ANKRD12: variants seen among roughly 807,000 people sequenced by gnomAD.
ANKRD12 encodes ankyrin repeat domain 12.
In ANKRD12, 85 loss-of-function variants were observed where a neutral mutation model predicts 183.4. That is an observed-to-expected ratio of 0.46 (90% CI 0.39 to 0.56). The LOEUF is 0.56. Ranked by LOEUF, ANKRD12 falls within the 20% of genes least tolerant of loss-of-function variation. The probability of loss-of-function intolerance (pLI) is 0.00; values close to 1 mark genes in which losing one functional copy is unlikely to be tolerated. For synonymous variants in ANKRD12, 914 were observed against 800.2 expected (o/e 1.14, Z -2.40); for missense variants, 2,405 against 2,357.1 (o/e 1.02, Z -0.42).
intron 10 of ANKRD12, among the ~76,000 whole-genome samples, chr18:9,265,045 GATCAAACC>G (rs1484405742): frequency 6.6e-6 from 1 of 152,232 alleles, no homozygotes; most frequent in Non-Finnish European, 1.5e-5. Flanking sequence ...AGCAGTCTGA[GATCAAACC>G]GCAAGGCGGG....
intron 1 of ANKRD12, among the ~76,000 whole-genome samples, chr18:9,139,136 A>G (rs148828825): frequency 3.5e-4 from 53 of 152,348 alleles, no homozygotes; most frequent in African/African-American, 1.2e-3. Flanking sequence ...TCCATGAAGA[A>G]TATTTGAGGA....
intron 8 of ANKRD12, among the ~76,000 whole-genome samples, chr18:9,233,103 C>T (rs1013576629): frequency 2.0e-5 from 3 of 152,038 alleles, no homozygotes; most frequent in African/African-American, 4.8e-5. Context: ...CCACCCACCT[C>T]GGCCTCCCAA....
rs928839922 is a variant in ANKRD12, at chr18:9,239,465, T to C, written c.944-14746T>C. ...GTTTCATGTGTTCATCAGCTATGTA[T>C]TGATTTTTCAGAATATTTATTTTCC... On this transcript the variant is annotated intron_variant, in intron 8 of 12. Coordinates refer to ENST00000262126, the MANE Select transcript of ANKRD12 (RefSeq NM_015208.5). 4.0e-6 allele frequency: 5 copies of C among 1,247,330 alleles called. No homozygotes were observed. In the African/African-American group the frequency reaches 7.7e-5, roughly 19 times the overall value. The allele number at this position is 1,247,330 out of a possible 1,614,324, so 77.3% of individuals were successfully genotyped here.
rs1278159064 is a variant in ANKRD12 at position 9,167,625 on chromosome 18, G to T, written c.-51-14757G>T. ...GCTTGAGGAGATTTTGGGCTGAGAC[G>T]ATGGGGTTTTCTAGATACACAATCA... On this transcript the variant is annotated intron_variant, in intron 1 of 12. Coordinates refer to ENST00000262126, the MANE Select transcript of ANKRD12 (RefSeq NM_015208.5). Among the ~76,000 whole-genome samples, 2 of 152,204 alleles carry T rather than the reference G, an allele frequency of 1.3e-5. 1 individual carries two copies.
At chr18:9,209,091 A>T (rs1360816805) in intron 5 of ANKRD12, among the ~76,000 whole-genome samples, 1 of 152,180 alleles carries the variant, frequency 6.6e-6, no homozygotes, top group Non-Finnish European at 1.5e-5. Flanking sequence ...GCAGTATATT[A>T]ACAGTCATTT....
intron 8 of ANKRD12, among the ~76,000 whole-genome samples, chr18:9,247,309 C>G (rs1309342571): frequency 6.8e-6 from 1 of 146,296 alleles, no homozygotes; most frequent in Non-Finnish European, 1.5e-5. Flanking sequence ...AACCTCATCT[C>G]TACCAAAAAA....
chr18:9,204,663 A>G lies in ANKRD12; in HGVS notation c.304+119A>G, dbSNP rs528312252. ...CATATAGATATCTTTGGTTAAATAA[A>G]TGAACTACGTGGGTGACACCACATT... On this transcript the variant is annotated intron_variant, in intron 4 of 12. Transcript: ENST00000262126. 1.3e-4 allele frequency: 95 copies of G among 751,846 alleles called. 1 individual carries two copies. In the South Asian group the frequency reaches 1.8e-3, roughly 15 times the overall value. 46.6% of individuals were successfully genotyped at this position (751,846 alleles called of 1,614,324 possible).
intron 8 of ANKRD12, among the ~76,000 whole-genome samples, chr18:9,246,243 T>G (rs1239971796): frequency 6.6e-6 from 1 of 152,228 alleles, no homozygotes; most frequent in East Asian, 1.9e-4. Context: ...CTCCCCTGTT[T>G]ACTATCTCCA....
At chr18:9,194,519 G>C (rs2034655290) in intron 2 of ANKRD12, among the ~76,000 whole-genome samples, 1 of 151,846 alleles carries the variant, frequency 6.6e-6, no homozygotes, top group Middle Eastern at 3.2e-3. Context: ...ACCACACCTG[G>C]CTAATTTTTT....
chr18:9,275,848 T>C (rs2039808097), intron 11 of ANKRD12, among the ~76,000 whole-genome samples, 181 bp downstream of exon 11: 1 of 152,240 alleles, frequency 6.6e-6, no homozygotes, highest in African/African-American at 2.4e-5. Flanking sequence ...TCTAAAGCAC[T>C]GTAAACATTA....
intron 1 of ANKRD12, among the ~76,000 whole-genome samples, chr18:9,181,639 A>G (rs1169602044): frequency 6.6e-6 from 1 of 152,214 alleles, no homozygotes; most frequent in African/African-American, 2.4e-5. Context: ...AAATTGCCAC[A>G]TGTAGGTAAT....
At chr18:9,196,189 TAC>T (rs34220366) in intron 3 of ANKRD12, among the ~76,000 whole-genome samples, 7,647 of 51,478 alleles carry the variant, frequency 0.15, 897 homozygotes, top group East Asian at 0.39. Flanking sequence ...ATAGAATTTT[TAC>T]ACACACACAC....
intron 2 of ANKRD12, among the ~76,000 whole-genome samples, chr18:9,194,636 G>A (rs1008264408): frequency 6.6e-6 from 1 of 152,104 alleles, no homozygotes; most frequent in Non-Finnish European, 1.5e-5. Context: ...GGATTAACAG[G>A]CATGAGCCAC....
intron 1 of ANKRD12, among the ~76,000 whole-genome samples, chr18:9,142,739 C>T (rs2078362167): frequency 6.6e-6 from 1 of 152,036 alleles, no homozygotes; most frequent in Non-Finnish European, 1.5e-5. Context: ...AAAAAATTAG[C>T]TGGGCGTGGT....
intron 1 of ANKRD12, among the ~76,000 whole-genome samples, chr18:9,173,261 G>A (rs2032922473): frequency 6.6e-6 from 1 of 151,754 alleles, no homozygotes; most frequent in Non-Finnish European, 1.5e-5. Context: ...GTAGAGATGG[G>A]GCTTCACAAT....
intron 2 of ANKRD12, 97 bp from the exon 3 acceptor site, chr18:9,195,454 C>A: frequency 2.4e-6 from 2 of 833,360 alleles, no homozygotes; most frequent in Non-Finnish European, 3.4e-6. Flanking sequence ...GTAATACTAT[C>A]TCTTTTTGTG....
intron 1 of ANKRD12, among the ~76,000 whole-genome samples, chr18:9,146,228 A>G (rs1025969648): frequency 6.6e-6 from 1 of 152,228 alleles, no homozygotes; most frequent in Non-Finnish European, 1.5e-5. Flanking sequence ...CCCGATTCAA[A>G]AACATTTGTG....
intron 8 of ANKRD12, among the ~76,000 whole-genome samples, chr18:9,241,905 T>C (rs946126201): frequency 5.9e-5 from 9 of 151,604 alleles, no homozygotes; most frequent in African/African-American, 9.7e-5. Flanking sequence ...TTTTTTTTTT[T>C]CAAAAGAAAA....
intron 8 of ANKRD12, among the ~76,000 whole-genome samples, chr18:9,246,751 T>C (rs767382283): frequency 6.6e-6 from 1 of 152,244 alleles, no homozygotes; most frequent in Non-Finnish European, 1.5e-5. Flanking sequence ...GTCTCTTTTT[T>C]GTAGGCAGTG....
Sources: gnomAD v4.1 joint callset for allele counts (sites outside exome capture counted in the v4.1 genomes callset) on GRCh38, gnomAD v4.1.1 for gene constraint, MANE v1.5 for transcripts, NCBI Gene and HGNC (gene_info 2026-07-23, HGNC 2026-07-21) for gene names.